The following GLIS3 variants were observed in gnomAD, a reference collection of about 807,000 sequenced individuals.
GLIS3 encodes the protein GLIS family zinc finger 3.
In GLIS3, 53 loss-of-function variants were observed where a neutral mutation model predicts 78.6. The ratio of observed to expected loss-of-function variants is 0.67; its 90% confidence interval spans 0.54 to 0.85. The LOEUF (loss-of-function observed/expected upper bound fraction) is 0.85. Among genes scored for constraint, GLIS3 ranks in the 40% least tolerant of loss-of-function variants. The probability of loss-of-function intolerance (pLI) is 0.00; values close to 1 mark genes in which losing one functional copy is unlikely to be tolerated. For synonymous variants in GLIS3, 684 were observed against 509.9 expected (o/e 1.34, Z -4.60); for missense variants, 1,703 against 1,231.1 (o/e 1.38, Z -5.74).
the GLIS3 span, among the ~76,000 whole-genome samples, chr9:4,380,541 A>T: frequency 6.6e-6 from 1 of 152,216 alleles, no homozygotes; most frequent in Non-Finnish European, 1.5e-5. Context: ...GCATAATCAG[A>T]ATCACATAGG....
At chr9:3,964,701 T>A (rs981391950) in intron 4 of GLIS3, among the ~76,000 whole-genome samples, 1 of 152,210 alleles carries the variant, frequency 6.6e-6, no homozygotes, top group African/African-American at 2.4e-5. Flanking sequence ...GGACAGAATT[T>A]TTTCATATTT....
chr9:3,887,441 G>C (rs779658801), intron 7 of GLIS3, among the ~76,000 whole-genome samples: 1 of 152,154 alleles, frequency 6.6e-6, no homozygotes, highest in African/African-American at 2.4e-5. Context: ...TATTAACTTT[G>C]AGCTTAAGCG....
the GLIS3 span, among the ~76,000 whole-genome samples, chr9:4,397,269 C>T: frequency 6.7e-6 from 1 of 149,542 alleles, no homozygotes; most frequent in Non-Finnish European, 1.5e-5. Context: ...TCGTGATCCG[C>T]CCGCCTCGGC....
At chr9:4,105,176 A>C (rs988327661) in intron 4 of GLIS3, among the ~76,000 whole-genome samples, 14 of 152,202 alleles carry the variant, frequency 9.2e-5, no homozygotes, top group African/African-American at 3.4e-4. Context: ...GTGAAAATGA[A>C]GGCAGAAACA....
chr9:4,490,092 G>C, the GLIS3 span, among the ~76,000 whole-genome samples: 1 of 152,232 alleles, frequency 6.6e-6, no homozygotes, highest in Non-Finnish European at 1.5e-5. Flanking sequence ...TGCCGGCGCT[G>C]GAAATAGCTG....
chr9:3,860,804 C>T (rs1280212069), intron 8 of GLIS3, among the ~76,000 whole-genome samples: 1 of 152,186 alleles, frequency 6.6e-6, no homozygotes, highest in Non-Finnish European at 1.5e-5. Context: ...TTTATTCATT[C>T]AAGGGGTCTT....
intron 2 of GLIS3, among the ~76,000 whole-genome samples, chr9:4,258,707 G>A (rs776787409): frequency 2.6e-5 from 4 of 152,058 alleles, no homozygotes; most frequent in Non-Finnish European, 5.9e-5. Flanking sequence ...CAGAACTGGG[G>A]GTGATCTTAT....
At chr9:4,480,818 A>C in the GLIS3 span, among the ~76,000 whole-genome samples, 1,264 of 150,820 alleles carry the variant, frequency 8.4e-3, 17 homozygotes, top group African/African-American at 0.03. Flanking sequence ...CAAGTAATAA[A>C]TTACTACACC....
chr9:4,323,676 C>G (rs1293283849), intron 2 of GLIS3, among the ~76,000 whole-genome samples: 1 of 152,210 alleles, frequency 6.6e-6, no homozygotes, highest in Non-Finnish European at 1.5e-5. Context: ...TATGTCTCCT[C>G]TGTGGTCATT....
intron 9 of GLIS3, among the ~76,000 whole-genome samples, chr9:3,848,118 T>A (rs1819172875): frequency 6.6e-6 from 1 of 152,262 alleles, no homozygotes; most frequent in Non-Finnish European, 1.5e-5. Flanking sequence ...ATTTCTTGAC[T>A]TACTGCTTTA....
chr9:4,137,503 T>C (rs774170956), intron 2 of GLIS3, among the ~76,000 whole-genome samples: 2 of 152,210 alleles, frequency 1.3e-5, no homozygotes, highest in South Asian at 2.1e-4. Flanking sequence ...AAATGTATCA[T>C]ATTCCTTTCT....
chr9:3,957,048 T>A (rs1472408390), intron 4 of GLIS3, among the ~76,000 whole-genome samples: 1 of 152,186 alleles, frequency 6.6e-6, no homozygotes, highest in Non-Finnish European at 1.5e-5. Context: ...TGAAAAATCT[T>A]TACTAGGCCT....
chr9:3,935,714 C>T (rs924006504), intron 5 of GLIS3, among the ~76,000 whole-genome samples: 1 of 152,106 alleles, frequency 6.6e-6, no homozygotes, highest in African/African-American at 2.4e-5. Flanking sequence ...CATTTTAACA[C>T]AATTTATTCT....
the GLIS3 span, among the ~76,000 whole-genome samples, chr9:4,415,552 C>T: frequency 1.3e-5 from 2 of 152,114 alleles, no homozygotes; most frequent in East Asian, 1.9e-4. Flanking sequence ...GTCTTGTTCT[C>T]GGCCACTTCT....
intron 9 of GLIS3, among the ~76,000 whole-genome samples, chr9:3,831,572 AC>A (rs1818046985): frequency 6.6e-6 from 1 of 152,218 alleles, no homozygotes; most frequent in Non-Finnish European, 1.5e-5. Flanking sequence ...TGTATCTAGA[AC>A]CCTAAAAGTG....
chr9:3,960,682 T>G (rs1335061210), intron 4 of GLIS3, among the ~76,000 whole-genome samples: 2 of 152,180 alleles, frequency 1.3e-5, no homozygotes, highest in East Asian at 1.9e-4. Context: ...GAACCTACAC[T>G]TAGTCACAGG....
intron 2 of GLIS3, among the ~76,000 whole-genome samples, chr9:4,285,058 A>C (rs1489588798): frequency 1.3e-5 from 2 of 152,212 alleles, no homozygotes; most frequent in African/African-American, 4.8e-5. Flanking sequence ...GATAGAAATC[A>C]TTATTCACCT....
chr9:3,897,099 A>G (rs955381499), intron 7 of GLIS3, among the ~76,000 whole-genome samples: 1 of 152,252 alleles, frequency 6.6e-6, no homozygotes, highest in Non-Finnish European at 1.5e-5. Flanking sequence ...GCTGTATGCT[A>G]CATACAACAA....
chr9:3,926,183 GCTC>G (rs1825215599), intron 6 of GLIS3, among the ~76,000 whole-genome samples: 3 of 151,706 alleles, frequency 2.0e-5, no homozygotes, highest in Non-Finnish European at 2.9e-5. Flanking sequence ...TTTTTTAAAA[GCTC>G]ATACAGGAAG....
Sources: gnomAD v4.1 joint callset for allele counts (sites outside exome capture counted in the v4.1 genomes callset) on GRCh38, gnomAD v4.1.1 for gene constraint, MANE v1.5 for transcripts, NCBI Gene and HGNC (gene_info 2026-07-23, HGNC 2026-07-21) for gene names.